CENPP: variants seen among roughly 807,000 people sequenced by gnomAD.
CENPP encodes the protein centromere protein P.
A neutral mutation model predicts 35.6 loss-of-function variants in CENPP; 24 were observed. The ratio of observed to expected loss-of-function variants is 0.67; its 90% CI spans 0.49 to 0.95. The LOEUF is 0.95. Ranked by LOEUF, CENPP falls within the 40% of genes least tolerant of loss-of-function variation. CENPP has a pLI of 0.00. For missense variants in CENPP, 332 were observed against 345.3 expected (o/e 0.96, Z 0.31); for synonymous variants, 120 against 125.5 (o/e 0.96, Z 0.29).
chr9:92,506,026 G>A (rs1563973722), intron 5 of CENPP, among the ~76,000 whole-genome samples: 1 of 152,198 alleles, frequency 6.6e-6, no homozygotes, highest in African/African-American at 2.4e-5. Context: ...CATAGAAATT[G>A]TGGTGGCTGA....
intron 5 of CENPP, among the ~76,000 whole-genome samples, chr9:92,588,935 A>C (rs974300041): frequency 1.3e-5 from 2 of 152,218 alleles, no homozygotes; most frequent in African/African-American, 2.4e-5. Context: ...TGGGGTTATG[A>C]ATAAATAAAA....
chr9:92,373,937 T>C (rs1213677748), intron 4 of CENPP, among the ~76,000 whole-genome samples: 1 of 152,148 alleles, frequency 6.6e-6, no homozygotes, highest in Non-Finnish European at 1.5e-5. Context: ...CCTGTTTTCT[T>C]GCTTTTCATG....
intron 5 of CENPP, among the ~76,000 whole-genome samples, chr9:92,558,139 A>G (rs1849767680): frequency 6.6e-6 from 1 of 152,122 alleles, no homozygotes; most frequent in South Asian, 2.1e-4. Context: ...TCTTTTTCAG[A>G]TAAATCACAG....
At chr9:92,471,734 T>G (rs1247838251) in intron 5 of CENPP, among the ~76,000 whole-genome samples, 1 of 151,122 alleles carries the variant, frequency 6.6e-6, no homozygotes, top group Non-Finnish European at 1.5e-5. Flanking sequence ...TGGCGCCATC[T>G]CGGCTCACTG....
chr9:92,564,153 G>A (rs1157730608), intron 5 of CENPP, among the ~76,000 whole-genome samples: 6 of 152,070 alleles, frequency 3.9e-5, no homozygotes, highest in African/African-American at 9.7e-5. Flanking sequence ...TTGGGAGGCC[G>A]AGGTGGGCAG....
chr9:92,523,079 CT>C (rs80216324), intron 5 of CENPP, among the ~76,000 whole-genome samples: 293 of 144,050 alleles, frequency 2.0e-3, no homozygotes, highest in Admixed American at 2.2e-3. Flanking sequence ...AATCAAAAAA[CT>C]TTTTTTTTTT....
intron 5 of CENPP, among the ~76,000 whole-genome samples, chr9:92,380,824 GT>G (rs1376726311): frequency 3.9e-5 from 6 of 152,146 alleles, no homozygotes; most frequent in African/African-American, 1.4e-4. Flanking sequence ...TAATGTTGCT[GT>G]TTCCTTATGC....
chr9:92,352,505 G>GTGTGTATA, intron 4 of CENPP, among the ~76,000 whole-genome samples: 2 of 49,794 alleles, frequency 4.0e-5, no homozygotes, highest in Admixed American at 2.4e-4. Flanking sequence ...GTGTGTGTGT[G>GTGTGTATA]TATACATATA....
At chr9:92,328,097 G>A (rs1341524750) in intron 1 of CENPP, among the ~76,000 whole-genome samples, 1 of 151,912 alleles carries the variant, frequency 6.6e-6, no homozygotes, top group Non-Finnish European at 1.5e-5. Context: ...AGAGGGAGTC[G>A]GTTCAGGTGA....
Position 92,614,572 on chromosome 9 carries a change from A to C in CENPP, c.*1423A>C, listed in dbSNP as rs1334838385. ...CTAGAAGAGTTGCCTTGATTCAAAC[A>C]AGTATAATTCTCAAGTTATCACAAA... On this transcript the variant is annotated 3_prime_UTR_variant, in exon 8 of 8. Coordinates refer to ENST00000375587, the MANE Select transcript of CENPP (RefSeq NM_001012267.3). 6.5e-6 allele frequency: 1 copy of C among 152,702 alleles called. No individual in the cohort carries two copies. Among genetic ancestry groups the C allele is most frequent in the Non-Finnish European group, 1.5e-5 (1 of 68,058 alleles). The allele number at this position is 152,702 out of a possible 1,614,324, so 9.5% of individuals were successfully genotyped here.
chr9:92,530,476 G>A (rs1359325507), intron 5 of CENPP, among the ~76,000 whole-genome samples: 7 of 152,028 alleles, frequency 4.6e-5, no homozygotes. Flanking sequence ...TTTTTAATTA[G>A]TAGACAGAAT....
intron 5 of CENPP, among the ~76,000 whole-genome samples, chr9:92,455,798 T>G: frequency 6.6e-6 from 1 of 152,170 alleles, no homozygotes; most frequent in Non-Finnish European, 1.5e-5. Context: ...TAGGCCAGGC[T>G]CAGTGGCTCA....
At chr9:92,519,642 C>T (rs1588219532) in intron 5 of CENPP, among the ~76,000 whole-genome samples, 1 of 152,164 alleles carries the variant, frequency 6.6e-6, no homozygotes, top group African/African-American at 2.4e-5. Context: ...CAAATACAAA[C>T]ATTAGCTCAA....
chr9:92,346,664 A>G (rs2130805561), intron 4 of CENPP, among the ~76,000 whole-genome samples: 1 of 152,274 alleles, frequency 6.6e-6, no homozygotes, highest in South Asian at 2.1e-4. Flanking sequence ...GGGGAAATGG[A>G]ATGAAGGGGT....
chr9:92,377,472 T>G (rs1842150112), intron 4 of CENPP, among the ~76,000 whole-genome samples: 1 of 152,180 alleles, frequency 6.6e-6, no homozygotes, highest in Non-Finnish European at 1.5e-5. Context: ...TAGCATGCTA[T>G]CTTTAAGACT....
chr9:92,368,950 G>A (rs1841948772), intron 4 of CENPP, among the ~76,000 whole-genome samples: 1 of 152,158 alleles, frequency 6.6e-6, no homozygotes, highest in Non-Finnish European at 1.5e-5. Context: ...AGACTGACAT[G>A]GGAGGGTCTC....
chr9:92,489,724 G>A (rs1482596249), intron 5 of CENPP, among the ~76,000 whole-genome samples: 2 of 151,940 alleles, frequency 1.3e-5, no homozygotes, highest in Non-Finnish European at 2.9e-5. Context: ...TGTATACCAT[G>A]GTTCACTCTG....
At chr9:92,597,437 T>TATA (rs1258292043) in intron 5 of CENPP, among the ~76,000 whole-genome samples, 2 of 152,220 alleles carry the variant, frequency 1.3e-5, no homozygotes, top group African/African-American at 4.8e-5. Flanking sequence ...AACTTTAAAT[T>TATA]ATAATTAGTT....
intron 5 of CENPP, among the ~76,000 whole-genome samples, chr9:92,568,275 CCA>C (rs1850046806): frequency 6.6e-6 from 1 of 152,076 alleles, no homozygotes; most frequent in African/African-American, 2.4e-5. Context: ...GTGATGTTCC[CCA>C]CTCTGTGTCC....
Sources: gnomAD v4.1 joint callset for allele counts (sites outside exome capture counted in the v4.1 genomes callset) on GRCh38, gnomAD v4.1.1 for gene constraint, MANE v1.5 for transcripts, NCBI Gene and HGNC (gene_info 2026-07-23, HGNC 2026-07-21) for gene names.